Variants in SHLD2 observed in about 807,000 individuals in gnomAD.
SHLD2 encodes the protein RINN1-REV7-interacting novel NHEJ regulator 2.
In SHLD2, 30 loss-of-function variants were observed where a neutral mutation model predicts 73.2. That is an observed-to-expected ratio of 0.41 (90% CI 0.31 to 0.56). SHLD2 has a LOEUF of 0.56. Among genes scored for constraint, SHLD2 ranks in the 20% least tolerant of loss-of-function variants. The pLI, the probability that SHLD2 is intolerant of heterozygous loss-of-function variation, is 0.28. For missense variants in SHLD2, 745 were observed against 1,055.9 expected, an observed-to-expected ratio of 0.71 and a Z score of 4.08; for synonymous variants, 285 against 370.1, an observed-to-expected ratio of 0.77 and a Z score of 2.64.
intron 3 of SHLD2, chr10:87,154,105 G>C (rs940203823): frequency 6.6e-6 from 1 of 152,244 alleles, no homozygotes; most frequent in African/African-American, 2.4e-5. Flanking sequence ...TGATCCTCCT[G>C]CCGCAGCCTC....
rs374639268 is a variant in SHLD2, at chr10:87,113,771, C to T, written c.-6+16782C>T. ...CCTGTAATCCCAGGCTTTGGGAGGC[C>T]GAGGCGAGTGGATCACTTGAGGCCA... On this transcript the variant is annotated intron_variant, in intron 2 of 9. Coordinates refer to ENST00000298786, the MANE Select transcript of SHLD2 (RefSeq NM_001330112.2). Among the ~76,000 whole-genome samples the T allele has an allele frequency of 4.6e-5, 7 of 152,142 alleles. No individual in the cohort carries two copies. In the East Asian group the frequency reaches 9.7e-4, roughly 21 times the overall value.
chr10:87,123,517 T>G (rs2984857), intron 2 of SHLD2, among the ~76,000 whole-genome samples: 1 of 152,232 alleles, frequency 6.6e-6, no homozygotes, highest in Admixed American at 6.5e-5. Context: ...CTTTTATTGA[T>G]TGAGTTCTAT....
upstream of SHLD2, chr10:87,094,621 C>T (rs1366438664): frequency 2.5e-6 from 4 of 1,609,918 alleles, no homozygotes; most frequent in African/African-American, 1.3e-5. The surrounding 1 kb of genome is among the most constrained non-coding windows in gnomAD (Gnocchi z 6.6). Context: ...GTAGTGGCGC[C>T]GGGCGGCCAA....
intron 2 of SHLD2, among the ~76,000 whole-genome samples, chr10:87,112,097 G>A (rs1465175144): frequency 6.6e-6 from 1 of 151,838 alleles, no homozygotes; most frequent in African/African-American, 2.4e-5. Context: ...AATTAGCTGG[G>A]TGTAGTGGCG....
At chr10:87,165,148 C>T (rs1256405878) in intron 4 of SHLD2, among the ~76,000 whole-genome samples, 6 of 151,568 alleles carry the variant, frequency 4.0e-5, no homozygotes, top group Admixed American at 1.3e-4. Context: ...GATCATGCCA[C>T]TGCACTTCAG....
chr10:87,151,309 T>G, intron 2 of SHLD2, 41 bp from the exon 3 acceptor site: 1 of 1,148,888 alleles, frequency 8.7e-7, no homozygotes, highest in African/African-American at 1.6e-5. Context: ...TGCAAAAATA[T>G]GCTGACAATA....
chr10:87,136,948 C>T (rs1181343156), intron 2 of SHLD2, among the ~76,000 whole-genome samples: 1 of 152,190 alleles, frequency 6.6e-6, no homozygotes, highest in Non-Finnish European at 1.5e-5. Flanking sequence ...ACACCCAGCT[C>T]AGTTACATAT....
At chr10:87,117,186 G>A (rs1475819478) in intron 2 of SHLD2, among the ~76,000 whole-genome samples, 4 of 152,160 alleles carry the variant, frequency 2.6e-5, no homozygotes, top group Non-Finnish European at 5.9e-5. Flanking sequence ...TTGGGAGGCC[G>A]AGGTGGGCGG....
chr10:87,094,663 T>A, upstream of SHLD2: 1 of 1,571,202 alleles, frequency 6.4e-7, no homozygotes, highest in Non-Finnish European at 8.6e-7. This position sits in a 1 kb window ranked among gnomAD's most constrained non-coding sequence, Gnocchi z 6.6. Context: ...GGCGGCGGGC[T>A]GTCCCCGGGC....
chr10:87,188,654 T>C (rs1848791972), intron 9 of SHLD2, among the ~76,000 whole-genome samples: 1 of 152,174 alleles, frequency 6.6e-6, no homozygotes, highest in Admixed American at 6.5e-5. Context: ...ATTAATCACA[T>C]TCTTCTTTCC....
intron 2 of SHLD2, among the ~76,000 whole-genome samples, chr10:87,127,096 T>C (rs1052840731): frequency 2.0e-5 from 3 of 152,046 alleles, no homozygotes; most frequent in African/African-American, 7.2e-5. Context: ...CTCTTAGGAA[T>C]AAATTGTTCT....
rs1848219446 is a variant in SHLD2, at chr10:87,180,268, C to G, written c.2364C>G (p.Ser788Arg). The G allele has an allele frequency of 1.9e-6, 3 of 1,611,814 alleles. No individual in the cohort carries two copies. In the South Asian group the frequency reaches 3.3e-5, roughly 18 times the overall value. Residue 788 changes from serine (S) to arginine (R), a missense_variant, in exon 8 of 10, where the codon AGC (serine) becomes AGG (arginine). Transcript: ENST00000298786. ...ACAGGATCTACAAACAATGTTTTAG[C>G]TGCTTGCCATTTACTATGAAGAAAA... ...DENRIYKQCF[S>R]CLPFTMKKIY...
intron 4 of SHLD2, among the ~76,000 whole-genome samples, chr10:87,160,553 ATACT>A (rs1451240637): frequency 1.3e-5 from 2 of 152,170 alleles, no homozygotes; most frequent in African/African-American, 4.8e-5. Context: ...AATAAAATAG[ATACT>A]TAGTCCTAAT....
At chr10:87,096,336 C>T (rs1387631433) in intron 1 of SHLD2, among the ~76,000 whole-genome samples, 2 of 152,138 alleles carry the variant, frequency 1.3e-5, no homozygotes, top group Admixed American at 6.5e-5. Flanking sequence ...TGAGCCACCG[C>T]GCCTGGCCTC....
intron 2 of SHLD2, among the ~76,000 whole-genome samples, chr10:87,097,425 G>C (rs1841972016): frequency 6.6e-6 from 1 of 152,026 alleles, no homozygotes; most frequent in Non-Finnish European, 1.5e-5. Flanking sequence ...GCCAAGCGTG[G>C]TGGGGGGCCT....
intron 2 of SHLD2, chr10:87,113,995 G>A (rs550462869): frequency 7.1e-6 from 1 of 141,726 alleles, no homozygotes; most frequent in East Asian, 1.9e-4. Flanking sequence ...AACAGAACGA[G>A]ACTGTCTTGA....
intron 8 of SHLD2, among the ~76,000 whole-genome samples, chr10:87,182,491 C>T (rs1028044095): frequency 8.5e-5 from 13 of 152,166 alleles, no homozygotes; most frequent in African/African-American, 2.7e-4. Context: ...GAGTCTCATA[C>T]GAGGCCACAG....
chr10:87,171,777 T>C (rs1847607984), intron 6 of SHLD2, among the ~76,000 whole-genome samples: 1 of 152,230 alleles, frequency 6.6e-6, no homozygotes, highest in Non-Finnish European at 1.5e-5. Context: ...TAATCATTAA[T>C]AGCTATGACT....
Position 87,190,887 on chromosome 10 carries a change from T to A in SHLD2, c.*204T>A. 1 of 588,092 alleles carries A rather than the reference T, an allele frequency of 1.7e-6. No homozygotes were observed. Among genetic ancestry groups the A allele is most frequent in the South Asian group, 2.1e-5 (1 of 47,576 alleles). The allele number at this position is 588,092 out of a possible 1,614,324, so 36.4% of individuals were successfully genotyped here. The stretch of plus-strand genomic sequence containing the variant: ...AAGATTGTTTTTGTCTTTTGGTTTC[T>A]TACTTTCTCCTGGAGAAATGATCTA... On this transcript the variant is annotated 3_prime_UTR_variant, in exon 10 of 10. Coordinates refer to ENST00000298786, the MANE Select transcript of SHLD2 (RefSeq NM_001330112.2).
Sources: gnomAD v4.1 joint callset for allele counts (sites outside exome capture counted in the v4.1 genomes callset) on GRCh38, gnomAD v4.1.1 for gene constraint, Gnocchi (gnomAD v3.1) non-coding constraint, MANE v1.5 for transcripts, NCBI Gene and HGNC (gene_info 2026-07-23, HGNC 2026-07-21) for gene names.